Variants in ITSN2 observed in about 807,000 individuals in gnomAD.
ITSN2 encodes intersectin-2.
Under a neutral mutation model 243.7 loss-of-function variants are expected in ITSN2, and 156 were observed. The ratio of observed to expected loss-of-function variants is 0.64; its 90% CI spans 0.56 to 0.73. The LOEUF (loss-of-function observed/expected upper bound fraction) is 0.73, where lower values mean the gene tolerates loss of function less well. Ranked by LOEUF, ITSN2 falls within the 30% of genes least tolerant of loss-of-function variation. The probability of loss-of-function intolerance (pLI) is 0.00; values close to 1 mark genes in which losing one functional copy is unlikely to be tolerated. For synonymous variants in ITSN2, 703 were observed against 699.9 expected (o/e 1.00, Z -0.07); for missense variants, 1,801 against 1,996.1 (o/e 0.90, Z 1.86).
At chr2:24,322,437 C>A (rs1169485878) in intron 2 of ITSN2, among the ~76,000 whole-genome samples, 1 of 152,154 alleles carries the variant, frequency 6.6e-6, no homozygotes, top group Non-Finnish European at 1.5e-5. Flanking sequence ...AATACACTCA[C>A]AAATATATTG....
At chr2:24,333,637 C>A (rs542426053) in intron 1 of ITSN2, among the ~76,000 whole-genome samples, 1 of 152,244 alleles carries the variant, frequency 6.6e-6, no homozygotes, top group African/African-American at 2.4e-5. Context: ...TTTGTAGAAA[C>A]CAAGAAAATA....
intron 1 of ITSN2, among the ~76,000 whole-genome samples, chr2:24,352,990 GCTTCA>G (rs1267064233): frequency 6.6e-6 from 1 of 152,134 alleles, no homozygotes; most frequent in Non-Finnish European, 1.5e-5. Flanking sequence ...TCAGACAGAT[GCTTCA>G]CTTTCAAGTA....
At chr2:24,311,213 C>A (rs1683226763) in intron 5 of ITSN2, among the ~76,000 whole-genome samples, 1 of 152,072 alleles carries the variant, frequency 6.6e-6, no homozygotes, top group South Asian at 2.1e-4. Flanking sequence ...TTTTACTTTT[C>A]TTGTAAGTAA....
intron 29 of ITSN2, chr2:24,239,133 C>T (rs1289025691): frequency 2.0e-5 from 3 of 152,476 alleles, no homozygotes; most frequent in African/African-American, 7.2e-5. Context: ...TATTACATTA[C>T]AGTAGCATCA....
chr2:24,331,375 C>CT (rs879645468), intron 1 of ITSN2, among the ~76,000 whole-genome samples: 475 of 144,410 alleles, frequency 3.3e-3, no homozygotes, highest in Non-Finnish European at 4.4e-3. Flanking sequence ...GCCCAGCCTA[C>CT]TTTTTTTTTT....
In ITSN2 at chr2:24,329,428, T is replaced by TTTTG. The variant is rs553371587; in HGVS notation, c.-33-1317_-33-1314dup. Among the ~76,000 whole-genome samples the TTTTG allele has an allele frequency of 3.4e-4, 52 of 152,108 alleles. 1 individual carries two copies. The South Asian group carries it at 4.6e-3, about 13-fold the overall frequency. ...GCGCACATCACCATGCCCGGCTAAT[T>TTTTG]TTTGTTTGTTTGTTTGTTTGTTTTA... On this transcript the variant is annotated intron_variant, in intron 1 of 39. Coordinates refer to ENST00000355123, the MANE Select transcript of ITSN2 (RefSeq NM_006277.3).
chr2:24,321,375 G>T (rs963570391), intron 2 of ITSN2, among the ~76,000 whole-genome samples: 9 of 152,094 alleles, frequency 5.9e-5, no homozygotes, highest in African/African-American at 2.2e-4. Context: ...GCCTTACAAA[G>T]ACAATTTTCC....
intron 14 of ITSN2, among the ~76,000 whole-genome samples, chr2:24,295,146 C>G (rs531823688): frequency 6.6e-6 from 1 of 152,046 alleles, no homozygotes; most frequent in African/African-American, 2.4e-5. Flanking sequence ...TGTCCACTTA[C>G]GTATATATAT....
intron 37 of ITSN2, among the ~76,000 whole-genome samples, chr2:24,207,440 G>A (rs1178997457): frequency 6.6e-6 from 1 of 152,174 alleles, no homozygotes; most frequent in Non-Finnish European, 1.5e-5. Context: ...GATGTGTGAT[G>A]TGGGAGCAGC....
At chr2:24,335,006 T>C in intron 1 of ITSN2, 1 of 253,584 alleles carries the variant, frequency 3.9e-6, no homozygotes, top group Non-Finnish European at 7.3e-6. Flanking sequence ...GAGCTTGCAG[T>C]GAGCCGAGAT....
intron 17 of ITSN2, among the ~76,000 whole-genome samples, chr2:24,281,736 C>T (rs772288263): frequency 3.3e-5 from 5 of 152,206 alleles, no homozygotes; most frequent in Non-Finnish European, 5.9e-5. Flanking sequence ...TATTTCATGC[C>T]TATTTCTCTC....
At chr2:24,252,822 T>C (rs1020801366) in intron 24 of ITSN2, among the ~76,000 whole-genome samples, 10 of 152,338 alleles carry the variant, frequency 6.6e-5, no homozygotes, top group South Asian at 4.1e-4. Flanking sequence ...ATAAATACAC[T>C]GAGGCTTAGT....
At chr2:24,254,636 T>A (rs879638376) in intron 23 of ITSN2, among the ~76,000 whole-genome samples, 13 of 152,176 alleles carry the variant, frequency 8.5e-5, no homozygotes, top group Non-Finnish European at 1.8e-4. Context: ...TCTACATTTT[T>A]AAATATATTT....
In ITSN2 at chr2:24,292,412, G is replaced by T. The variant is rs558378496; in HGVS notation, c.1723+1276C>A. 0.022 allele frequency among the ~76,000 whole-genome samples: 160 copies of T among 7,288 alleles called. 2 individuals carry two copies. In the East Asian group the frequency reaches 0.37, roughly 17 times the overall value. The allele number at this position is 7,288 out of a possible 152,430, so 4.8% of individuals were successfully genotyped here. A position where few individuals can be genotyped will look rare whatever the true frequency, so the allele number is the denominator to read the frequency against. On this transcript the variant is annotated intron_variant, in intron 15 of 39. Coordinates refer to ENST00000355123, the MANE Select transcript of ITSN2 (RefSeq NM_006277.3). ...CCCTGACTCTGGAATGCCTGTGTAGGGGTGAGGTGGGGGCTAATATACTTT... is the reference window on the plus strand; with the variant it reads ...CCCTGACTCTGGAATGCCTGTGTAGTGGTGAGGTGGGGGCTAATATACTTT...
rs185378853 is a variant in ITSN2 at position 24,319,539 on chromosome 2, C to T, written c.32-4315G>A. The stretch of plus-strand genomic sequence containing the variant: ...TCCATATCACTTCCAGAGGTCTTCC[C>T]CCACCCCCAATCTCAGTAATGGATG... On this transcript the variant is annotated intron_variant, in intron 2 of 39. Coordinates refer to ENST00000355123, the MANE Select transcript of ITSN2 (RefSeq NM_006277.3). Among the ~76,000 whole-genome samples the T allele has an allele frequency of 3.3e-5, 5 of 152,226 alleles. No homozygotes were observed. In the East Asian group the frequency reaches 5.8e-4, roughly 18 times the overall value.
chr2:24,274,212 C>T (rs1677731619), intron 18 of ITSN2, among the ~76,000 whole-genome samples: 1 of 152,134 alleles, frequency 6.6e-6, no homozygotes, highest in Non-Finnish European at 1.5e-5. Context: ...AGAGCTACTT[C>T]GTTTGAACTT....
At chr2:24,279,124 T>C (rs1301002362) in intron 17 of ITSN2, among the ~76,000 whole-genome samples, 1 of 152,230 alleles carries the variant, frequency 6.6e-6, no homozygotes, top group African/African-American at 2.4e-5. Flanking sequence ...CTTTAGTCTG[T>C]TTATATAGTA....
intron 29 of ITSN2, among the ~76,000 whole-genome samples, chr2:24,231,449 T>C (rs147444205): frequency 1.3e-5 from 2 of 152,232 alleles, no homozygotes; most frequent in East Asian, 3.9e-4. Context: ...TCCTTTTTGG[T>C]AGACAAGAAG....
chr2:24,338,490 A>C (rs1277809733), intron 1 of ITSN2, among the ~76,000 whole-genome samples: 1 of 152,198 alleles, frequency 6.6e-6, no homozygotes, highest in Non-Finnish European at 1.5e-5. Context: ...ATGGTCACTC[A>C]TATTTGGCTC....
Sources: allele counts gnomAD v4.1 joint callset (sites outside exome capture counted in the v4.1 genomes callset), GRCh38; gene constraint gnomAD v4.1.1; transcripts MANE v1.5; gene names NCBI Gene and HGNC (gene_info 2026-07-23, HGNC 2026-07-21).